The following KCNMB2 variants were observed in gnomAD, a reference collection of about 807,000 sequenced individuals.
The protein encoded by KCNMB2 is potassium calcium-activated channel subfamily M regulatory beta subunit 2, also known as calcium-activated potassium channel subunit beta-2.
Under a neutral mutation model 24.5 loss-of-function variants are expected in KCNMB2, and 9 were observed. The observed-to-expected ratio is 0.37, with a 90% CI of 0.22 to 0.64. The LOEUF is 0.64. Ranked by LOEUF, KCNMB2 falls within the 30% of genes least tolerant of loss-of-function variation. The probability of loss-of-function intolerance (pLI) is 0.63; values close to 1 mark genes in which losing one functional copy is unlikely to be tolerated. For missense variants in KCNMB2, 226 were observed against 284.3 expected (o/e 0.79, Z 1.47); for synonymous variants, 109 against 104.4 (o/e 1.04, Z -0.27).
At chr3:178,539,150 A>G (rs1319031498) in intron 1 of KCNMB2, among the ~76,000 whole-genome samples, 1 of 152,150 alleles carries the variant, frequency 6.6e-6, no homozygotes. Flanking sequence ...ACTTTATTGG[A>G]AGATATTGGA....
intron 1 of KCNMB2, among the ~76,000 whole-genome samples, chr3:178,658,247 C>T (rs1048680058): frequency 3.9e-5 from 6 of 152,140 alleles, no homozygotes; most frequent in African/African-American, 1.4e-4. Flanking sequence ...CAAAATAATG[C>T]CATTTTTTTC....
In KCNMB2 at chr3:178,564,629, G is replaced by GA. The variant is rs539192103; in HGVS notation, c.-68+27925dup. Among the ~76,000 whole-genome samples the GA allele has an allele frequency of 1.3e-3, 202 of 152,050 alleles. 4 individuals are homozygous for GA. The highest frequency in any genetic ancestry group is 0.011 in the Admixed American group (171 of 15,284). On this transcript the variant is annotated intron_variant, in intron 1 of 4. Transcript: ENST00000452583. ...TATCGAATCCCCATATTAATCTTGA[G>GA]AAAAAAAGGTAATTTATTCCCATTT...
intron 1 of KCNMB2, among the ~76,000 whole-genome samples, chr3:178,757,691 T>C (rs1278168695): frequency 4.9e-5 from 3 of 61,828 alleles, no homozygotes; most frequent in South Asian, 6.9e-4. Flanking sequence ...GATATATATA[T>C]GTATATATAT....
intron 1 of KCNMB2, among the ~76,000 whole-genome samples, chr3:178,725,880 T>A (rs758908525): frequency 3.6e-4 from 54 of 151,950 alleles, no homozygotes; most frequent in Non-Finnish European, 7.2e-4. Context: ...TTTATTTTTT[T>A]AATCCATCTA....
At chr3:178,707,773 T>C (rs1190707007) in intron 1 of KCNMB2, among the ~76,000 whole-genome samples, 1 of 152,094 alleles carries the variant, frequency 6.6e-6, no homozygotes, top group African/African-American at 2.4e-5. Flanking sequence ...CCTAAGCAAA[T>C]AGAAACCTAG....
intron 1 of KCNMB2, among the ~76,000 whole-genome samples, chr3:178,637,981 T>C (rs1389203133): frequency 6.6e-6 from 1 of 152,148 alleles, no homozygotes; most frequent in Non-Finnish European, 1.5e-5. Context: ...TCAGATTTAC[T>C]AAACTCCTTT....
rs543458537 is a variant in KCNMB2 at position 178,702,321 on chromosome 3, T to C, written c.-67-105022T>C. ...GGGGGAGGGATAGCGTTAGGAGATA[T>C]ACCTAATGTAAATGACAAGTTAATG... is the stretch of plus-strand genomic sequence containing the variant. On this transcript the variant is annotated intron_variant, in intron 1 of 4. Transcript: ENST00000452583. Among the ~76,000 whole-genome samples, 349 of 146,964 alleles carry C rather than the reference T, an allele frequency of 2.4e-3. 2 individuals carry two copies. Among genetic ancestry groups the C allele is most frequent in the African/African-American group, 7.5e-3 (305 of 40,422 alleles).
intron 1 of KCNMB2, among the ~76,000 whole-genome samples, chr3:178,782,454 T>C (rs573526508): frequency 6.6e-6 from 1 of 152,156 alleles, no homozygotes; most frequent in African/African-American, 2.4e-5. Flanking sequence ...CAGCACCTGT[T>C]GTTTCCAGAC....
At chr3:178,785,985 G>A (rs4423745) in intron 1 of KCNMB2, among the ~76,000 whole-genome samples, 21,514 of 152,104 alleles carry the variant, frequency 0.14, 1,851 homozygotes, top group Admixed American at 0.18. Flanking sequence ...CTTGCACCCA[G>A]TGTAATACTG....
rs567164776 is a variant in KCNMB2 at position 178,753,774 on chromosome 3, C to A, written c.-67-53569C>A. 5.3e-5 allele frequency among the ~76,000 whole-genome samples: 8 copies of A among 152,222 alleles called. No homozygotes were observed. The South Asian group carries it at 1.7e-3, about 32-fold the overall frequency. On this transcript the variant is annotated intron_variant, in intron 1 of 4. Transcript: ENST00000452583. Reference sequence around the variant, plus strand: ...GCTAATTAACATATTCATTACCTCACATATTTATTTCTTTTGTGGTGAAAA... The same window carrying A: ...GCTAATTAACATATTCATTACCTCAAATATTTATTTCTTTTGTGGTGAAAA...
chr3:178,723,994 T>C (rs905630111), intron 1 of KCNMB2, among the ~76,000 whole-genome samples: 3 of 152,192 alleles, frequency 2.0e-5, no homozygotes, highest in African/African-American at 7.2e-5. Flanking sequence ...CCTTTGGGTA[T>C]ATACCCAGTA....
intron 1 of KCNMB2, among the ~76,000 whole-genome samples, chr3:178,773,990 T>C (rs1436495390): frequency 6.6e-6 from 1 of 152,216 alleles, no homozygotes; most frequent in East Asian, 1.9e-4. Flanking sequence ...GGGAAGTCCA[T>C]GAAGAGGTCT....
At chr3:178,554,442 G>A (rs1259560123) in intron 1 of KCNMB2, among the ~76,000 whole-genome samples, 1 of 152,082 alleles carries the variant, frequency 6.6e-6, no homozygotes, top group Non-Finnish European at 1.5e-5. Context: ...AAATCACAGT[G>A]ATATTTAGAG....
chr3:178,681,930 A>C (rs1721284395), intron 1 of KCNMB2, among the ~76,000 whole-genome samples: 1 of 152,162 alleles, frequency 6.6e-6, no homozygotes, highest in African/African-American at 2.4e-5. Flanking sequence ...TTGAGACTTA[A>C]AACTTTTCTC....
At chr3:178,635,400 C>A (rs901978726) in intron 1 of KCNMB2, among the ~76,000 whole-genome samples, 1 of 140,718 alleles carries the variant, frequency 7.1e-6, no homozygotes, top group Non-Finnish European at 1.5e-5. Flanking sequence ...TACACAGGTG[C>A]TTATGCATAC....
At chr3:178,609,172 CT>C (rs1478939921) in intron 1 of KCNMB2, among the ~76,000 whole-genome samples, 1 of 152,122 alleles carries the variant, frequency 6.6e-6, no homozygotes, top group African/African-American at 2.4e-5. Flanking sequence ...TGTTTTTTGG[CT>C]ACAAACCATT....
At position 178,550,760 on chromosome 3, in the gene KCNMB2, C is replaced by T. The variant is rs144411913; in HGVS notation, c.-68+14049C>T. The stretch of plus-strand genomic sequence containing the variant: ...ATGTGATATTGAGAAGTTAGCATCT[C>T]GGTGCCTCAGTTTCCTCCTCTGTAA... On this transcript the variant is annotated intron_variant, in intron 1 of 4. Transcript: ENST00000452583. 7.6e-3 allele frequency among the ~76,000 whole-genome samples: 1,154 copies of T among 152,260 alleles called. 16 individuals are homozygous for T. The highest frequency in any genetic ancestry group is 0.027 in the African/African-American group (1,109 of 41,540).
intron 1 of KCNMB2, among the ~76,000 whole-genome samples, chr3:178,602,317 A>G (rs1189601768): frequency 1.3e-5 from 2 of 152,086 alleles, no homozygotes; most frequent in African/African-American, 4.8e-5. Flanking sequence ...AAAAATATAT[A>G]TATCGATTTT....
chr3:178,805,138 A>T (rs1713914392), intron 1 of KCNMB2, among the ~76,000 whole-genome samples: 2 of 152,204 alleles, frequency 1.3e-5, no homozygotes, highest in Admixed American at 1.3e-4. Flanking sequence ...ATCCTAGAAC[A>T]AGAGTAGATG....
Sources: gnomAD v4.1 joint callset for allele counts (sites outside exome capture counted in the v4.1 genomes callset) on GRCh38, gnomAD v4.1.1 for gene constraint, MANE v1.5 for transcripts, NCBI Gene and HGNC (gene_info 2026-07-23, HGNC 2026-07-21) for gene names.